BCL9: variants seen among roughly 807,000 people sequenced by gnomAD.
BCL9 encodes the protein B-cell CLL/lymphoma 9 protein.
In BCL9, 25 loss-of-function variants were observed where a neutral mutation model predicts 88.5. The ratio of observed to expected loss-of-function variants is 0.28; its 90% CI spans 0.21 to 0.39. The LOEUF is 0.39. BCL9 is among the 10% of genes least tolerant of loss of function. The probability of loss-of-function intolerance (pLI) is 1.00; values close to 1 mark genes in which losing one functional copy is unlikely to be tolerated. For missense variants in BCL9, 1,817 were observed against 1,877.8 expected, an observed-to-expected ratio of 0.97 and a Z score of 0.60; for synonymous variants, 711 against 673.3, an observed-to-expected ratio of 1.06 and a Z score of -0.87.
intron 1 of BCL9, among the ~76,000 whole-genome samples, chr1:147,598,385 CAGTTTT>C (rs781863667): frequency 1.1e-4 from 16 of 152,328 alleles, no homozygotes; most frequent in Middle Eastern, 6.8e-3. Flanking sequence ...TACCTTGCCA[CAGTTTT>C]TCATAGGATC....
At chr1:147,556,425 CATTT>C (rs1371877910) in intron 1 of BCL9, among the ~76,000 whole-genome samples, 32 of 150,996 alleles carry the variant, frequency 2.1e-4, no homozygotes, top group Middle Eastern at 3.4e-3. Context: ...CGCCCAGCCT[CATTT>C]ATTTATTTAT....
chr1:147,550,266 T>A lies in BCL9; in HGVS notation c.-478+8592T>A, dbSNP rs1654826489. Reference sequence around the variant, plus strand: ...CACTTGGTATAAAACTGGACTGTCTTTTAGTACGAACCATGGAAGGGCCAT... The same window carrying A: ...CACTTGGTATAAAACTGGACTGTCTATTAGTACGAACCATGGAAGGGCCAT... On this transcript the variant is annotated intron_variant, in intron 1 of 9. Transcript: ENST00000234739. Among the ~76,000 whole-genome samples, 5 of 152,214 alleles carry A rather than the reference T, an allele frequency of 3.3e-5. No homozygotes were observed. In the South Asian group the frequency reaches 1.0e-3, roughly 32 times the overall value.
intron 1 of BCL9, among the ~76,000 whole-genome samples, chr1:147,592,351 C>T (rs1017110633): frequency 6.6e-6 from 1 of 152,224 alleles, no homozygotes; most frequent in Non-Finnish European, 1.5e-5. Context: ...TTGCTGCCCT[C>T]AGAAAGCCCT....
At chr1:147,606,358 C>T (rs1477775779) in intron 2 of BCL9, among the ~76,000 whole-genome samples, 2 of 152,180 alleles carry the variant, frequency 1.3e-5, no homozygotes, top group Non-Finnish European at 2.9e-5. Context: ...GAATGATCTT[C>T]ACTTTGTAAA....
At chr1:147,597,772 A>G (rs1657119516) in intron 1 of BCL9, among the ~76,000 whole-genome samples, 1 of 152,178 alleles carries the variant, frequency 6.6e-6, no homozygotes, top group Admixed American at 6.5e-5. Flanking sequence ...TAACCTTTAG[A>G]TTTCATGACT....
At chr1:147,565,893 A>G (rs1553196628) in intron 1 of BCL9, among the ~76,000 whole-genome samples, 1 of 152,090 alleles carries the variant, frequency 6.6e-6, no homozygotes, top group African/African-American at 2.4e-5. Context: ...AGATCTACCC[A>G]CTTTCACCCC....
chr1:147,545,148 AAG>A (rs1386225182), intron 1 of BCL9, among the ~76,000 whole-genome samples: 4 of 152,324 alleles, frequency 2.6e-5, no homozygotes, highest in African/African-American at 9.6e-5. Flanking sequence ...TGAGAAAAAT[AAG>A]AGTCATTTCT....
chr1:147,615,666 CT>C (rs1658240186), intron 6 of BCL9, 136 bp from the exon 7 acceptor site: 7 of 576,450 alleles, frequency 1.2e-5, no homozygotes, highest in Middle Eastern at 5.5e-4. Flanking sequence ...GTCTTGATTT[CT>C]TCTTCAACAT....
At chr1:147,595,062 G>A (rs1235692820) in intron 1 of BCL9, among the ~76,000 whole-genome samples, 1 of 152,154 alleles carries the variant, frequency 6.6e-6, no homozygotes, top group African/African-American at 2.4e-5. Context: ...GATAGAATTT[G>A]GAGTAATTGC....
intron 1 of BCL9, among the ~76,000 whole-genome samples, chr1:147,602,228 A>T (rs1319942335): frequency 1.2e-4 from 13 of 109,164 alleles, no homozygotes; most frequent in African/African-American, 4.3e-4. Context: ...TTTTTTGTAG[A>T]TGGAGTCTCA....
chr1:147,568,666 G>A (rs891408678), intron 1 of BCL9, among the ~76,000 whole-genome samples: 2 of 151,978 alleles, frequency 1.3e-5, no homozygotes, highest in Non-Finnish European at 2.9e-5. Context: ...TCTCTTATCT[G>A]CTTCCCTCCC....
At chr1:147,542,306 C>A (rs1467068589) in intron 1 of BCL9, among the ~76,000 whole-genome samples, 1 of 152,222 alleles carries the variant, frequency 6.6e-6, no homozygotes, top group Non-Finnish European at 1.5e-5. Flanking sequence ...TGCCACAAGA[C>A]GATCCAGAAA....
chr1:147,589,995 C>G (rs1294381816), intron 1 of BCL9, among the ~76,000 whole-genome samples: 1 of 152,228 alleles, frequency 6.6e-6, no homozygotes, highest in East Asian at 1.9e-4. Context: ...CTCACCAACA[C>G]TTGCCATTGT....
chr1:147,581,309 G>T (rs1364864390), intron 1 of BCL9, among the ~76,000 whole-genome samples: 1 of 152,218 alleles, frequency 6.6e-6, no homozygotes, highest in Non-Finnish European at 1.5e-5. Context: ...CTAATTGTGT[G>T]TAGGTCAGTT....
chr1:147,613,419 A>G (rs2101610737), intron 5 of BCL9, among the ~76,000 whole-genome samples: 1 of 152,302 alleles, frequency 6.6e-6, no homozygotes. Flanking sequence ...CTTGCCCTTA[A>G]GGATGCAACG....
chr1:147,606,190 T>C (rs1553201967), intron 2 of BCL9, among the ~76,000 whole-genome samples: 2 of 152,196 alleles, frequency 1.3e-5, no homozygotes, highest in African/African-American at 4.8e-5. Flanking sequence ...TTTTATTGAC[T>C]TAGCCAGCTC....
intron 1 of BCL9, among the ~76,000 whole-genome samples, chr1:147,603,137 C>T (rs1031475120): frequency 6.6e-6 from 1 of 152,200 alleles, no homozygotes; most frequent in African/African-American, 2.4e-5. Context: ...ACTAACAGAC[C>T]AAATTCAGCT....
Position 147,625,038 on chromosome 1 carries a change from G to A in BCL9, c.*79G>A. On this transcript the variant is annotated 3_prime_UTR_variant, in exon 10 of 10. Transcript: ENST00000234739. The stretch of plus-strand genomic sequence containing the variant: ...GAGCTGCTTTGAGGGAGTTCCAGGA[G>A]TACTTACTATTGGTCATGCAATAGG... The A allele has an allele frequency of 6.6e-7, 1 of 1,517,990 alleles. No individual in the cohort carries two copies. Among genetic ancestry groups the A allele is most frequent in the Non-Finnish European group, 8.9e-7 (1 of 1,124,422 alleles). The allele number at this position is 1,517,990 out of a possible 1,614,324, so 94.0% of individuals were successfully genotyped here. A position where few individuals can be genotyped will look rare whatever the true frequency, so the allele number is the denominator to read the frequency against.
At chr1:147,544,692 C>G (rs1168717109) in intron 1 of BCL9, among the ~76,000 whole-genome samples, 1 of 152,052 alleles carries the variant, frequency 6.6e-6, no homozygotes, top group Non-Finnish European at 1.5e-5. Flanking sequence ...ATGACCTTTC[C>G]TACCCCTCCC....
Sources: gnomAD v4.1 joint callset for allele counts (sites outside exome capture counted in the v4.1 genomes callset) on GRCh38, gnomAD v4.1.1 for gene constraint, MANE v1.5 for transcripts, NCBI Gene and HGNC (gene_info 2026-07-23, HGNC 2026-07-21) for gene names.